The following CRACR2A variants were observed in gnomAD, a reference collection of about 807,000 sequenced individuals.
The protein encoded by CRACR2A is calcium release activated channel regulator 2A.
CRACR2A carries 79 observed loss-of-function variants against 90.5 expected under a neutral mutation model. The ratio of observed to expected loss-of-function variants is 0.87; its 90% confidence interval spans 0.73 to 1.05. CRACR2A has a LOEUF of 1.05. CRACR2A is among the 50% of genes least tolerant of loss of function. CRACR2A has a pLI of 0.00. For missense variants in CRACR2A, 823 were observed against 897.2 expected, an observed-to-expected ratio of 0.92 and a Z score of 1.06; for synonymous variants, 338 against 356.7, an observed-to-expected ratio of 0.95 and a Z score of 0.59.
At chr12:3,697,162 A>T in intron 3 of CRACR2A, 127 bp from the exon 4 acceptor site, 2 of 1,169,428 alleles carry the variant, frequency 1.7e-6, no homozygotes, top group Non-Finnish European at 2.3e-6. Flanking sequence ...CTTAGCAACT[A>T]CCTCTTAATT....
At chr12:3,724,223 C>T (rs541303425) in intron 2 of CRACR2A, among the ~76,000 whole-genome samples, 2 of 152,302 alleles carry the variant, frequency 1.3e-5, no homozygotes, top group African/African-American at 4.8e-5. Flanking sequence ...TTGGCCCTTT[C>T]TGAGTTCACT....
rs1944410674 is a variant in CRACR2A at position 3,633,558 on chromosome 12, C to T, written c.1735+46G>A. ...CCCGGGCCCCCTTCTCACAAACTCCCTTCCCAAAGATGGGCCTAGGACCCA... is the reference window on the plus strand; with the variant it reads ...CCCGGGCCCCCTTCTCACAAACTCCTTTCCCAAAGATGGGCCTAGGACCCA... On this transcript the variant is annotated intron_variant, in intron 15 of 19. Transcript: ENST00000440314. This position sits in a 1 kb window ranked among gnomAD's most constrained non-coding sequence, Gnocchi z 4.5. 1 of 1,549,790 alleles carries T rather than the reference C, an allele frequency of 6.5e-7. No homozygotes were observed. Among genetic ancestry groups the T allele is most frequent in the African/African-American group, 1.4e-5 (1 of 72,982 alleles).
rs534073551 is a variant in CRACR2A, at chr12:3,680,623, T to C, written c.229-274A>G. Among the ~76,000 whole-genome samples, 20 of 152,338 alleles carry C rather than the reference T, an allele frequency of 1.3e-4. No homozygotes were observed. The South Asian group carries it at 3.7e-3, about 28-fold the overall frequency. On this transcript the variant is annotated intron_variant, in intron 4 of 19. Coordinates refer to ENST00000440314, the MANE Select transcript of CRACR2A (RefSeq NM_001144958.2). ...ATGTAAATATGCATTTATTTATCTA[T>C]CTGCATTTAATTCCCATGACAACAC...
chr12:3,687,959 A>G (rs142604385), intron 4 of CRACR2A, among the ~76,000 whole-genome samples: 66 of 151,830 alleles, frequency 4.3e-4, no homozygotes, highest in African/African-American at 1.5e-3. Context: ...CCTTTTTTTC[A>G]TATGCTTGTT....
At chr12:3,741,265 G>C (rs1271558702) in intron 1 of CRACR2A, among the ~76,000 whole-genome samples, 2 of 152,122 alleles carry the variant, frequency 1.3e-5, no homozygotes, top group Non-Finnish European at 2.9e-5. Flanking sequence ...CCTCCTGAGG[G>C]TCTTGATGTG....
chr12:3,637,961 T>C (rs1474552227), intron 14 of CRACR2A, among the ~76,000 whole-genome samples, 163 bp downstream of exon 14: 1 of 152,282 alleles, frequency 6.6e-6, no homozygotes, highest in East Asian at 1.9e-4. Flanking sequence ...CGCATGACAC[T>C]CAGCTAAGCA....
intron 7 of CRACR2A, among the ~76,000 whole-genome samples, chr12:3,660,175 A>T (rs1411617804): frequency 6.6e-6 from 1 of 151,088 alleles, no homozygotes; most frequent in Non-Finnish European, 1.5e-5. Flanking sequence ...CTCTCAGGGG[A>T]CTCTCCCTGT....
Position 3,648,556 on chromosome 12 carries a change from C to G in CRACR2A, c.1104G>C (p.Gln368His). ...LQREKAGLLK[Q>H]LDFLRERNKH... ...CACCGACGCACCTTAGGAAATCCAG[C>G]TGCTTGAGGAGCCCGGCCTTCTCAC... The change falls in exon 11 of 20, where the codon CAG (glutamine) becomes CAC (histidine). Residue 368 changes from glutamine (Q) to histidine (H), a missense_variant. Physicochemically the swap from Gln to His is conservative, Grantham distance 24. Transcript: ENST00000440314. The G allele has an allele frequency of 6.2e-7, 1 of 1,614,212 alleles. No homozygotes were observed. Among genetic ancestry groups the G allele is most frequent in the Non-Finnish European group, 8.5e-7 (1 of 1,180,020 alleles).
intron 17 of CRACR2A, among the ~76,000 whole-genome samples, chr12:3,620,161 G>C (rs530800095): frequency 1.3e-5 from 2 of 152,342 alleles, no homozygotes; most frequent in African/African-American, 4.8e-5. Flanking sequence ...CTGGTGAAAG[G>C]GGCACCGTGT....
intron 3 of CRACR2A, among the ~76,000 whole-genome samples, chr12:3,702,814 AC>A (rs1173338251): frequency 2.6e-5 from 4 of 152,238 alleles, no homozygotes; most frequent in African/African-American, 9.6e-5. Flanking sequence ...AATGAGAAAA[AC>A]CTAGAATAGC....
chr12:3,718,317 G>T (rs1814173817), intron 2 of CRACR2A, among the ~76,000 whole-genome samples: 1 of 152,188 alleles, frequency 6.6e-6, no homozygotes, highest in African/African-American at 2.4e-5. Flanking sequence ...AGCTCAGCAT[G>T]CTCCAGTGGG....
rs1220776311 is a variant in CRACR2A, at chr12:3,638,349, C to T, written c.1377G>A (p.Gly459=). The change falls in exon 14 of 20, where the codon GGG becomes GGA. Residue 459 remains glycine, a synonymous_variant. Transcript: ENST00000440314. Reference sequence around the variant, plus strand: ...GCGGCCGGGGGTACGGACCCCCAGGCCCTGGCTCCCCGGTTCCTGGCTCCT... The same window carrying T: ...GCGGCCGGGGGTACGGACCCCCAGGTCCTGGCTCCCCGGTTCCTGGCTCCT... ...TEEEPGTGEP[G]PGGPYPRPLR... The T allele has an allele frequency of 1.6e-5, 25 of 1,551,454 alleles. No homozygotes were observed. The highest frequency in any genetic ancestry group is 2.4e-5 in the East Asian group (1 of 40,912).
In CRACR2A at chr12:3,633,898, G is replaced by A. The variant is rs1179410806; in HGVS notation, c.1603-162C>T. Among the ~76,000 whole-genome samples, 1 of 152,216 alleles carries A rather than the reference G, an allele frequency of 6.6e-6. No individual in the cohort carries two copies. Among genetic ancestry groups the A allele is most frequent in the Non-Finnish European group, 1.5e-5 (1 of 68,038 alleles). Reference sequence around the variant, plus strand: ...CTGCCACAGCCTCAGAATGCAGTGAGCATAGTCGGTCTTGGGGCATGGAGG... The same window carrying A: ...CTGCCACAGCCTCAGAATGCAGTGAACATAGTCGGTCTTGGGGCATGGAGG... On this transcript the variant is annotated intron_variant, in intron 14 of 19. Transcript: ENST00000440314. The surrounding 1 kb of genome is among the most constrained non-coding windows in gnomAD (Gnocchi z 4.5).
intron 5 of CRACR2A, 22 bp downstream of exon 5, chr12:3,680,216 C>T: frequency 6.3e-7 from 1 of 1,598,666 alleles, no homozygotes. Flanking sequence ...CCCTGAGGTC[C>T]CCAGCACCCA....
chr12:3,667,528 G>A (rs1037984674), intron 7 of CRACR2A, among the ~76,000 whole-genome samples: 6 of 151,938 alleles, frequency 3.9e-5, no homozygotes, highest in Non-Finnish European at 7.4e-5. Flanking sequence ...CTGCCTCAAC[G>A]TGCTGATCAC....
rs538237082 is a variant in CRACR2A at position 3,630,123 on chromosome 12, G to C, written c.1736-2417C>G. Among the ~76,000 whole-genome samples, 141 of 152,314 alleles carry C rather than the reference G, an allele frequency of 9.3e-4. 1 individual carries two copies. Among genetic ancestry groups the C allele is most frequent in the East Asian group, 7.0e-3 (36 of 5,178 alleles). ...CATCGGTAGACGGCAGTGAGATGGAGGTATGACGGGATGAAGGGGCTAAGT... is the reference window on the plus strand; with the variant it reads ...CATCGGTAGACGGCAGTGAGATGGACGTATGACGGGATGAAGGGGCTAAGT... On this transcript the variant is annotated intron_variant, in intron 15 of 19. Transcript: ENST00000440314.
At chr12:3,744,564 T>C (rs962541437) in intron 1 of CRACR2A, among the ~76,000 whole-genome samples, 18 of 152,196 alleles carry the variant, frequency 1.2e-4, no homozygotes, top group Non-Finnish European at 1.6e-4. Context: ...CTGGAAAGGG[T>C]GGGTGATCAT....
intron 7 of CRACR2A, among the ~76,000 whole-genome samples, chr12:3,668,261 A>G (rs538660845): frequency 1.4e-4 from 21 of 152,310 alleles, no homozygotes; most frequent in Admixed American, 8.5e-4. Context: ...GAAGGGCACC[A>G]TGGGATATAC....
At chr12:3,643,868 T>TA (rs1944629922) in intron 12 of CRACR2A, among the ~76,000 whole-genome samples, 2 of 55,904 alleles carry the variant, frequency 3.6e-5, no homozygotes, top group South Asian at 1.6e-3. Flanking sequence ...ATATTATATA[T>TA]ATTATATATA....
Sources: allele counts gnomAD v4.1 joint callset (sites outside exome capture counted in the v4.1 genomes callset), GRCh38; gene constraint gnomAD v4.1.1; non-coding constraint Gnocchi (gnomAD v3.1); transcripts MANE v1.5; gene names NCBI Gene and HGNC (gene_info 2026-07-23, HGNC 2026-07-21).